The following ZNF280B variants were observed in gnomAD, a reference collection of about 807,000 sequenced individuals.
The protein encoded by ZNF280B is zinc finger protein 280B.
In ZNF280B, 16 loss-of-function variants were observed where a neutral mutation model predicts 38.0. That is an observed-to-expected ratio of 0.42 (90% confidence interval 0.28 to 0.64). The LOEUF (loss-of-function observed/expected upper bound fraction) is 0.64. Among genes scored for constraint, ZNF280B ranks in the 30% least tolerant of loss-of-function variants. ZNF280B has a pLI of 0.21. For synonymous variants in ZNF280B, 253 were observed against 230.6 expected (o/e 1.10, Z -0.88); for missense variants, 581 against 639.6 (o/e 0.91, Z 0.99).
At chr22:22,503,511 A>G (rs2061869082) in intron 2 of ZNF280B, among the ~76,000 whole-genome samples, 1 of 151,982 alleles carries the variant, frequency 6.6e-6, no homozygotes, top group Non-Finnish European at 1.5e-5. Context: ...GGATAATGGA[A>G]CAATGCAAGC....
At chr22:22,496,508 T>C (rs1023288293) in intron 2 of ZNF280B, among the ~76,000 whole-genome samples, 2 of 151,958 alleles carry the variant, frequency 1.3e-5, no homozygotes, top group Admixed American at 1.3e-4. Flanking sequence ...TTTTATTTAG[T>C]TGCCCTGGGA....
intron 2 of ZNF280B, among the ~76,000 whole-genome samples, chr22:22,503,205 A>G (rs961833952): frequency 1.3e-5 from 2 of 151,970 alleles, no homozygotes; most frequent in East Asian, 3.9e-4. Flanking sequence ...AGTTTGTGAT[A>G]ATTTGTTATA....
At chr22:22,493,353 A>G (rs1204953874) in intron 3 of ZNF280B, among the ~76,000 whole-genome samples, 9 of 151,956 alleles carry the variant, frequency 5.9e-5, no homozygotes, top group Non-Finnish European at 1.3e-4. Flanking sequence ...ATGATTTACT[A>G]AAGTTATATG....
chr22:22,488,186 A>AC lies in ZNF280B; in HGVS notation c.1212dup (p.Cys405ValfsTer7), dbSNP rs2061528194. On this transcript the variant is annotated frameshift_variant, in exon 4 of 4. Coordinates refer to ENST00000626650, the MANE Select transcript of ZNF280B (RefSeq NM_080764.4). LOFTEE classifies it high-confidence loss of function. ...GACGATCTATAATGGCAAACCTGGCACACATAGGGCATTTCGCCAGGCTTA... is the reference window on the plus strand; with the variant it reads ...GACGATCTATAATGGCAAACCTGGCACCACATAGGGCATTTCGCCAGGCTTA... The AC allele has an allele frequency of 1.2e-6, 2 of 1,613,812 alleles. No individual in the cohort carries two copies.
chr22:22,506,605 T>C (rs1456502125), intron 2 of ZNF280B, among the ~76,000 whole-genome samples: 1 of 151,604 alleles, frequency 6.6e-6, no homozygotes, highest in Admixed American at 6.6e-5. Context: ...AACAAGCAGA[T>C]GGGAGATGTG....
intron 2 of ZNF280B, among the ~76,000 whole-genome samples, chr22:22,505,591 AAAT>A (rs953581614): frequency 6.6e-6 from 1 of 150,782 alleles, no homozygotes; most frequent in African/African-American, 2.4e-5. Flanking sequence ...AATAAAAATA[AAAT>A]AATAATAATA....
chr22:22,487,641 G>A lies in ZNF280B; in HGVS notation c.*126C>T, dbSNP rs372498479. 4.7e-4 allele frequency: 344 copies of A among 727,134 alleles called. 3 individuals are homozygous for A. In the African/African-American group the frequency reaches 5.4e-3, roughly 11 times the overall value. 45.0% of individuals were successfully genotyped at this position (727,134 alleles called of 1,614,324 possible). On this transcript the variant is annotated 3_prime_UTR_variant, in exon 4 of 4. Coordinates refer to ENST00000626650, the MANE Select transcript of ZNF280B (RefSeq NM_080764.4). ...ATATATCCTGAATCTTGTTTAAAAA[G>A]TCATATATAATCCACTAGTTTCACT... is the stretch of plus-strand genomic sequence containing the variant.
chr22:22,489,227 A>G lies in ZNF280B; in HGVS notation c.172T>C (p.Ser58Pro). The change falls in exon 4 of 4, where the codon TCA (serine) becomes CCA (proline). Residue 58 changes from serine (S) to proline (P), a missense_variant. Physicochemically the swap from Ser to Pro is moderately conservative, Grantham distance 74 (BLOSUM62 -1). Transcript: ENST00000626650. ...GVTSNSKPVVSNILNRVTPGS... is the reference protein window; with the variant it reads ...GVTSNSKPVVPNILNRVTPGS... ...GGGGTGACTCTGTTCAAAATGTTTG[A>G]AACGACTGGTTTTGAATTTGAAGTC... is the stretch of plus-strand genomic sequence containing the variant. The G allele has an allele frequency of 6.2e-7, 1 of 1,613,838 alleles. No homozygotes were observed. The highest frequency in any genetic ancestry group is 1.1e-5 in the South Asian group (1 of 91,054).
intron 2 of ZNF280B, among the ~76,000 whole-genome samples, chr22:22,496,547 A>C (rs2061698999): frequency 6.6e-6 from 1 of 151,890 alleles, no homozygotes; most frequent in Non-Finnish European, 1.5e-5. Context: ...TGTAGTTTTA[A>C]GGATCCTATA....
chr22:22,486,948 C>A lies in ZNF280B; in HGVS notation c.*819G>T, dbSNP rs1315822474. Reference sequence around the variant, plus strand: ...CAGAATCTTTTCAGGTTATTTTATGCCAGCACAGCAGAGGCACTTCTGGGA... The same window carrying A: ...CAGAATCTTTTCAGGTTATTTTATGACAGCACAGCAGAGGCACTTCTGGGA... On this transcript the variant is annotated 3_prime_UTR_variant, in exon 4 of 4. Coordinates refer to ENST00000626650, the MANE Select transcript of ZNF280B (RefSeq NM_080764.4). 5 of 151,974 alleles carry A rather than the reference C, an allele frequency of 3.3e-5. No individual in the cohort carries two copies. Among genetic ancestry groups the A allele is most frequent in the Non-Finnish European group, 7.3e-5 (5 of 68,040 alleles). 9.4% of individuals were successfully genotyped at this position (151,974 alleles called of 1,614,324 possible).
chr22:22,487,852 TC>T lies in ZNF280B; in HGVS notation c.1546del (p.Asp516MetfsTer2). On this transcript the variant is annotated frameshift_variant, in exon 4 of 4. Transcript: ENST00000626650. LOFTEE classifies it high-confidence loss of function. ...SLEPLQPGSVDVASITVSTSD... is the reference protein window; with the variant it reads ...SLEPLQPGSVXVASITVSTSD... ...TGTGCTCACAGTTATGGATGCTACA[TC>T]CACTGATCCTGGCTGAAGAGGTTCC... 6.2e-7 allele frequency: 1 copy of T among 1,613,874 alleles called. No homozygotes were observed. The highest frequency in any genetic ancestry group is 1.7e-5 in the Admixed American group (1 of 59,984).
rs2061502561 is a variant in ZNF280B at position 22,486,452 on chromosome 22, A to C, written c.*1315T>G. The C allele has an allele frequency of 6.6e-6, 1 of 152,374 alleles. No homozygotes were observed. The highest frequency in any genetic ancestry group is 1.5e-5 in the Non-Finnish European group (1 of 68,030). 9.4% of individuals were successfully genotyped at this position (152,374 alleles called of 1,614,324 possible). On this transcript the variant is annotated 3_prime_UTR_variant, in exon 4 of 4. Transcript: ENST00000626650. Reference sequence around the variant, plus strand: ...AAAACTATGGGTCCAGTACAGTTCAAATTATAGATATTAGGGCTTCTTCCC... The same window carrying C: ...AAAACTATGGGTCCAGTACAGTTCACATTATAGATATTAGGGCTTCTTCCC...
rs772644987 is a variant in ZNF280B, at chr22:22,488,444, C to G, written c.955G>C (p.Val319Leu). The G allele has an allele frequency of 4.3e-6, 7 of 1,613,870 alleles. No individual in the cohort carries two copies. In the East Asian group the frequency reaches 8.9e-5, roughly 21 times the overall value. The change falls in exon 4 of 4, where the codon GTT becomes CTT. Residue 319 changes from valine to leucine, a missense_variant. By Grantham distance (32) the Val-to-Leu change is conservative (BLOSUM62 1). Transcript: ENST00000626650. Reference protein sequence around the residue: ...CLSCVKVLKNVKFMNHVKHHL... With the variant: ...CLSCVKVLKNLKFMNHVKHHL... The stretch of plus-strand genomic sequence containing the variant: ...TGCTTCACGTGATTCATAAACTTAA[C>G]ATTTTTTAGAACTTTCACGCAGCTG...
chr22:22,508,881 C>G (rs907566208), upstream of ZNF280B: 6 of 152,248 alleles, frequency 3.9e-5, no homozygotes, highest in Admixed American at 1.3e-4. Context: ...TCTGACGCCC[C>G]TGGTGGCGAC....
chr22:22,493,766 T>G (rs1479867363), intron 3 of ZNF280B, among the ~76,000 whole-genome samples: 1 of 151,936 alleles, frequency 6.6e-6, no homozygotes, highest in Admixed American at 6.6e-5. Context: ...TCAAATTATA[T>G]AACACAACAC....
chr22:22,491,843 G>C (rs1601705235), intron 3 of ZNF280B, among the ~76,000 whole-genome samples: 1 of 151,906 alleles, frequency 6.6e-6, no homozygotes, highest in Non-Finnish European at 1.5e-5. Context: ...ACTACTAGTT[G>C]TTTCAAAAAC....
chr22:22,493,764 TA>T (rs1484892291), intron 3 of ZNF280B, among the ~76,000 whole-genome samples: 1 of 151,970 alleles, frequency 6.6e-6, no homozygotes, highest in African/African-American at 2.4e-5. Context: ...CTTCAAATTA[TA>T]TAACACAACA....
Position 22,488,270 on chromosome 22 carries a change from T to C in ZNF280B, c.1129A>G (p.Ile377Val). The C allele has an allele frequency of 6.2e-7, 1 of 1,613,826 alleles. No individual in the cohort carries two copies. The highest frequency in any genetic ancestry group is 8.5e-7 in the Non-Finnish European group (1 of 1,179,964). Residue 377 changes from isoleucine (I) to valine (V), a missense_variant, in exon 4 of 4, where the codon ATC becomes GTC. Ile to Val is a conservative substitution (Grantham distance 29, BLOSUM62 3). Transcript: ENST00000626650. ...TCTGTTTCAAATGACAATTCACAGA[T>C]TTTACAGACAGTAGAGGGCTCCTGG... The part of the protein sequence containing the change: ...TAQEPSTVCK[I>V]CELSFETDQV...
At chr22:22,496,974 C>T (rs1019428896) in intron 2 of ZNF280B, among the ~76,000 whole-genome samples, 2 of 150,924 alleles carry the variant, frequency 1.3e-5, no homozygotes, top group Non-Finnish European at 1.5e-5. Context: ...CATGCTACCA[C>T]GCCCATCTAA....
Sources: allele counts gnomAD v4.1 joint callset (sites outside exome capture counted in the v4.1 genomes callset), GRCh38; gene constraint gnomAD v4.1.1; transcripts MANE v1.5; gene names NCBI Gene and HGNC (gene_info 2026-07-23, HGNC 2026-07-21).